UBE2E2: variants seen among roughly 807,000 people sequenced by gnomAD.
UBE2E2 encodes the protein ubiquitin-conjugating enzyme E2 E2.
In UBE2E2, 6 loss-of-function variants were observed where a neutral mutation model predicts 24.7. The ratio of observed to expected loss-of-function variants is 0.24; its 90% CI spans 0.13 to 0.48. UBE2E2 has a LOEUF of 0.48. UBE2E2 is among the 20% of genes least tolerant of loss of function. The pLI, the probability that UBE2E2 is intolerant of heterozygous loss-of-function variation, is 0.99. For synonymous variants in UBE2E2, 104 were observed against 83.6 expected (o/e 1.24, Z -1.33); for missense variants, 169 against 245.0 (o/e 0.69, Z 2.07).
intron 3 of UBE2E2, among the ~76,000 whole-genome samples, chr3:23,222,748 C>G (rs141162131): frequency 1.8e-4 from 28 of 152,250 alleles, no homozygotes. Flanking sequence ...ATAGGAATTG[C>G]TGGATCATAT....
intron 3 of UBE2E2, among the ~76,000 whole-genome samples, chr3:23,487,052 C>T (rs892177607): frequency 3.3e-5 from 5 of 152,176 alleles, no homozygotes; most frequent in African/African-American, 1.2e-4. Context: ...GCCTGCAGGC[C>T]CATGCTGAGC....
rs890455980 is a variant in UBE2E2, at chr3:23,522,158, T to A, written c.361-10396T>A. Among the ~76,000 whole-genome samples, 26 of 97,040 alleles carry A rather than the reference T, an allele frequency of 2.7e-4. No homozygotes were observed. In the East Asian group the frequency reaches 8.0e-3, roughly 30 times the overall value. 63.7% of individuals were successfully genotyped at this position (97,040 alleles called of 152,430 possible). A position where few individuals can be genotyped will look rare whatever the true frequency, so the allele number is the denominator to read the frequency against. On this transcript the variant is annotated intron_variant, in intron 4 of 5. Coordinates refer to ENST00000396703, the MANE Select transcript of UBE2E2 (RefSeq NM_152653.4). ...TTTTTTTTTTTTTTTTGAGGCAGAG[T>A]CTCGCTCTGTTGCCCAGGCTGGAGT...
intron 4 of UBE2E2, among the ~76,000 whole-genome samples, chr3:23,519,835 C>T (rs1265010534): frequency 7.1e-6 from 1 of 140,746 alleles, no homozygotes; most frequent in Admixed American, 6.9e-5. Context: ...TGCCACCATG[C>T]CCAGCTAATT....
chr3:23,312,523 C>T (rs1694437413), intron 3 of UBE2E2, among the ~76,000 whole-genome samples: 2 of 152,044 alleles, frequency 1.3e-5, no homozygotes, highest in Non-Finnish European at 1.5e-5. Context: ...CCAATCATCC[C>T]CCTACCCTTC....
chr3:23,234,389 C>T (rs894511509), intron 3 of UBE2E2, among the ~76,000 whole-genome samples: 8 of 152,060 alleles, frequency 5.3e-5, no homozygotes, highest in Admixed American at 4.6e-4. Context: ...GGAAGGTAGT[C>T]AGAGATTGAT....
At chr3:23,482,881 G>A (rs533859372) in intron 3 of UBE2E2, among the ~76,000 whole-genome samples, 1 of 152,316 alleles carries the variant, frequency 6.6e-6, no homozygotes, top group East Asian at 1.9e-4. Flanking sequence ...CCTATCCAGA[G>A]ATTAAATATT....
chr3:23,294,126 A>G (rs1295117317), intron 3 of UBE2E2, among the ~76,000 whole-genome samples: 1 of 152,242 alleles, frequency 6.6e-6, no homozygotes, highest in Non-Finnish European at 1.5e-5. Flanking sequence ...CTAATTCCGC[A>G]AGAATAATTG....
chr3:23,344,782 G>C (rs1695501242), intron 3 of UBE2E2, among the ~76,000 whole-genome samples: 1 of 150,436 alleles, frequency 6.6e-6, no homozygotes, highest in Admixed American at 6.6e-5. Flanking sequence ...TGAGATGGGA[G>C]GATTGTGCCC....
Position 23,540,120 on chromosome 3 carries a change from G to A in UBE2E2, c.508+7419G>A, listed in dbSNP as rs185984847. On this transcript the variant is annotated intron_variant, in intron 5 of 5. Coordinates refer to ENST00000396703, the MANE Select transcript of UBE2E2 (RefSeq NM_152653.4). Reference sequence around the variant, plus strand: ...GCTCTGTCTCCCAGGCTGGAGGGCAGTGGTGTCGTCATAGCTCTCTGCAGC... The same window carrying A: ...GCTCTGTCTCCCAGGCTGGAGGGCAATGGTGTCGTCATAGCTCTCTGCAGC... 1.3e-3 allele frequency among the ~76,000 whole-genome samples: 195 copies of A among 151,794 alleles called. 1 individual carries two copies. The highest frequency in any genetic ancestry group is 4.3e-3 in the African/African-American group (176 of 41,374).
intron 2 of UBE2E2, 103 bp from the exon 3 acceptor site, chr3:23,217,159 A>C (rs1159352023): frequency 1.8e-6 from 2 of 1,118,546 alleles, no homozygotes; most frequent in Non-Finnish European, 2.6e-6. Context: ...ATTTCAAACT[A>C]ATATACCAAA....
At chr3:23,235,252 G>A (rs902985059) in intron 3 of UBE2E2, among the ~76,000 whole-genome samples, 2 of 152,150 alleles carry the variant, frequency 1.3e-5, no homozygotes, top group South Asian at 2.1e-4. Context: ...GTTTTAGTGT[G>A]GGGTTCTAGT....
intron 3 of UBE2E2, among the ~76,000 whole-genome samples, chr3:23,375,833 T>G (rs1050053886): frequency 6.6e-6 from 1 of 152,188 alleles, no homozygotes; most frequent in Non-Finnish European, 1.5e-5. Flanking sequence ...TTGTTGCAGT[T>G]ATTACACCAG....
intron 3 of UBE2E2, among the ~76,000 whole-genome samples, chr3:23,373,449 A>G (rs1391411040): frequency 6.6e-6 from 1 of 152,284 alleles, no homozygotes; most frequent in East Asian, 1.9e-4. Flanking sequence ...AGATTCCACT[A>G]GTTTCATCTC....
At chr3:23,208,582 T>A in intron 1 of UBE2E2, 110 bp from the exon 2 acceptor site, 1 of 831,286 alleles carries the variant, frequency 1.2e-6, no homozygotes, top group Non-Finnish European at 1.7e-6. Context: ...ACCAATTTAA[T>A]CCATTTTATA....
chr3:23,469,885 A>G (rs1184830355), intron 3 of UBE2E2, among the ~76,000 whole-genome samples: 3 of 152,206 alleles, frequency 2.0e-5, no homozygotes, highest in Non-Finnish European at 4.4e-5. Context: ...CAGCCTTTCT[A>G]TGCATAGAAA....
At chr3:23,486,234 TGCC>T (rs1224143167) in intron 3 of UBE2E2, among the ~76,000 whole-genome samples, 17 of 152,106 alleles carry the variant, frequency 1.1e-4, no homozygotes, top group African/African-American at 3.6e-4. Context: ...CAGCTACAGG[TGCC>T]AGCTCCGTGC....
intron 3 of UBE2E2, among the ~76,000 whole-genome samples, chr3:23,489,361 T>A (rs886806203): frequency 6.6e-6 from 1 of 152,110 alleles, no homozygotes; most frequent in African/African-American, 2.4e-5. Flanking sequence ...CAGTGTCAGG[T>A]CATTAGGTAC....
At chr3:23,286,493 G>C (rs112761838) in intron 3 of UBE2E2, among the ~76,000 whole-genome samples, 3 of 152,044 alleles carry the variant, frequency 2.0e-5, no homozygotes, top group African/African-American at 7.2e-5. Flanking sequence ...TCTCTATTTT[G>C]TTTCATTGGT....
At chr3:23,541,768 T>G (rs192870064) in intron 5 of UBE2E2, among the ~76,000 whole-genome samples, 75 of 152,344 alleles carry the variant, frequency 4.9e-4, no homozygotes, top group Non-Finnish European at 8.5e-4. Context: ...GTTTGTGCTA[T>G]TCAAGTGCCT....
Sources: gnomAD v4.1 joint callset for allele counts (sites outside exome capture counted in the v4.1 genomes callset) on GRCh38, gnomAD v4.1.1 for gene constraint, MANE v1.5 for transcripts, NCBI Gene and HGNC (gene_info 2026-07-23, HGNC 2026-07-21) for gene names.